Variants in TMCO4 observed in about 807,000 individuals in gnomAD.
The protein encoded by TMCO4 is transmembrane and coiled-coil domain-containing protein 4.
A neutral mutation model predicts 64.7 loss-of-function variants in TMCO4; 58 were observed. The ratio of observed to expected loss-of-function variants is 0.90; its 90% CI spans 0.73 to 1.12. The LOEUF is 1.12. TMCO4 is among the 50% of genes most tolerant of loss of function. TMCO4 has a pLI of 0.00. For synonymous variants in TMCO4, 325 were observed against 346.1 expected (o/e 0.94, Z 0.68); for missense variants, 780 against 825.9 (o/e 0.94, Z 0.68).
intron 6 of TMCO4, among the ~76,000 whole-genome samples, chr1:19,765,366 G>A (rs16822850): frequency 0.12 from 17,780 of 152,084 alleles, 1,136 homozygotes; most frequent in Non-Finnish European, 0.13. Flanking sequence ...AAGAACTTAG[G>A]AAGATTACCA....
At chr1:19,698,719 T>C (rs2095252371) in intron 14 of TMCO4, among the ~76,000 whole-genome samples, 1 of 152,226 alleles carries the variant, frequency 6.6e-6, no homozygotes, top group Non-Finnish European at 1.5e-5. Context: ...TTCCCTTTCT[T>C]CTTCCTTCTC....
chr1:19,719,822 G>A (rs771179362), intron 13 of TMCO4, among the ~76,000 whole-genome samples: 5 of 151,840 alleles, frequency 3.3e-5, no homozygotes, highest in African/African-American at 7.3e-5. Context: ...GCAAAACCCC[G>A]TCCCTACTAA....
intron 6 of TMCO4, among the ~76,000 whole-genome samples, chr1:19,770,047 G>A (rs1048283298): frequency 6.6e-6 from 1 of 152,270 alleles, no homozygotes; most frequent in African/African-American, 2.4e-5. Flanking sequence ...ACCAGGGCCT[G>A]AGAGCCACAC....
At chr1:19,723,900 G>GAGCAAGCCCCC (rs2095397290) in intron 13 of TMCO4, among the ~76,000 whole-genome samples, 1 of 152,168 alleles carries the variant, frequency 6.6e-6, no homozygotes, top group South Asian at 2.1e-4. Flanking sequence ...GGCGAGGCTG[G>GAGCAAGCCCCC]AGCAAGCCCC....
intron 13 of TMCO4, among the ~76,000 whole-genome samples, chr1:19,729,295 G>A (rs900852225): frequency 2.6e-5 from 4 of 151,844 alleles, no homozygotes; most frequent in East Asian, 2.0e-4. Flanking sequence ...GAATACAGGC[G>A]TGCCACCACG....
intron 12 of TMCO4, chr1:19,738,298 A>G (rs1444617307): frequency 2.0e-5 from 3 of 152,260 alleles, no homozygotes; most frequent in African/African-American, 7.2e-5. Context: ...CCACTGCCCA[A>G]TATCATTCTC....
At chr1:19,694,412 G>T (rs747539380) in intron 15 of TMCO4, 22 bp downstream of exon 15, 1 of 1,606,336 alleles carries the variant, frequency 6.2e-7, no homozygotes, top group Non-Finnish European at 8.5e-7. Context: ...CAAAGCCCCA[G>T]GAGGAACAGG....
chr1:19,744,816 C>T (rs1384617785), intron 10 of TMCO4, among the ~76,000 whole-genome samples: 1 of 152,192 alleles, frequency 6.6e-6, no homozygotes, highest in African/African-American at 2.4e-5. Context: ...CCTATTGTGC[C>T]ATCCATAAAG....
At chr1:19,709,286 C>CGGG (rs59600503) in intron 13 of TMCO4, among the ~76,000 whole-genome samples, 2 of 125,818 alleles carry the variant, frequency 1.6e-5, no homozygotes, top group Non-Finnish European at 3.5e-5. Context: ...AACATCCCGG[C>CGGG]GGGGGGGGGG....
intron 6 of TMCO4, among the ~76,000 whole-genome samples, chr1:19,755,974 CG>C (rs1436377052): frequency 1.3e-5 from 2 of 152,088 alleles, no homozygotes; most frequent in African/African-American, 2.4e-5. Flanking sequence ...GGGCTGGGTA[CG>C]GTGGCTCACT....
rs541396653 is a variant in TMCO4, at chr1:19,682,498, T to C, written c.*542A>G. On this transcript the variant is annotated 3_prime_UTR_variant, in exon 16 of 16. Transcript: ENST00000294543. ...CATGGCTGTACAGGGCAGATCTGAT[T>C]GGATCTCCTAAGAGCAGGAGTGAGC... 1.5e-6 allele frequency: 1 copy of C among 668,138 alleles called. No individual in the cohort carries two copies. Among genetic ancestry groups the C allele is most frequent in the Non-Finnish European group, 2.8e-6 (1 of 360,410 alleles). 41.4% of individuals were successfully genotyped at this position (668,138 alleles called of 1,614,324 possible). A position where few individuals can be genotyped will look rare whatever the true frequency, so the allele number is the denominator to read the frequency against.
chr1:19,739,194 C>T (rs757723514), intron 12 of TMCO4, among the ~76,000 whole-genome samples: 3 of 152,224 alleles, frequency 2.0e-5, no homozygotes, highest in Non-Finnish European at 4.4e-5. Context: ...GCTTTTGTCT[C>T]CATTCACTCA....
intron 6 of TMCO4, among the ~76,000 whole-genome samples, chr1:19,760,102 C>G (rs183000168): frequency 9.7e-4 from 147 of 152,228 alleles, no homozygotes; most frequent in Middle Eastern, 6.8e-3. Context: ...GTTAAGGCCT[C>G]TCTCCTCCTC....
intron 15 of TMCO4, 70 bp downstream of exon 15, chr1:19,694,364 G>T (rs1303363686): frequency 1.4e-6 from 2 of 1,383,500 alleles, no homozygotes; most frequent in Non-Finnish European, 2.0e-6. Flanking sequence ...CTGTCTCCAG[G>T]GGACAGGGGT....
intron 14 of TMCO4, among the ~76,000 whole-genome samples, chr1:19,694,945 C>T (rs1027396884): frequency 6.6e-6 from 1 of 152,226 alleles, no homozygotes; most frequent in Non-Finnish European, 1.5e-5. Context: ...ACTCCCAGCT[C>T]GGGAAAGGTG....
At chr1:19,758,626 G>T (rs1224081540) in intron 6 of TMCO4, among the ~76,000 whole-genome samples, 2 of 152,108 alleles carry the variant, frequency 1.3e-5, no homozygotes. Context: ...TGGAGCCAGG[G>T]TTCGTAGTTT....
chr1:19,795,970 C>A (rs910279311), intron 2 of TMCO4, among the ~76,000 whole-genome samples: 3 of 152,236 alleles, frequency 2.0e-5, no homozygotes, highest in African/African-American at 7.2e-5. Flanking sequence ...AAACTGCACT[C>A]CCCTGCTTCC....
chr1:19,783,884 A>G (rs1005417532), intron 3 of TMCO4, among the ~76,000 whole-genome samples: 3 of 152,172 alleles, frequency 2.0e-5, no homozygotes, highest in African/African-American at 7.2e-5. Context: ...TGCTCTAGGA[A>G]CCCACGTTTG....
At chr1:19,751,116 A>G (rs1557566192) in intron 7 of TMCO4, among the ~76,000 whole-genome samples, 1 of 152,190 alleles carries the variant, frequency 6.6e-6, no homozygotes, top group Non-Finnish European at 1.5e-5. Context: ...AGCCATTTCC[A>G]ACTCCCCATC....
Sources: allele counts gnomAD v4.1 joint callset (sites outside exome capture counted in the v4.1 genomes callset), GRCh38; gene constraint gnomAD v4.1.1; transcripts MANE v1.5; gene names NCBI Gene and HGNC (gene_info 2026-07-23, HGNC 2026-07-21).